The following PLD5 variants were observed in gnomAD, a reference collection of about 807,000 sequenced individuals.
The protein encoded by PLD5 is phospholipase D family member 5, also known as inactive phospholipase D5.
In PLD5, 36 loss-of-function variants were observed where a neutral mutation model predicts 61.1. That is an observed-to-expected ratio of 0.59 (90% CI 0.45 to 0.78). The LOEUF (loss-of-function observed/expected upper bound fraction) is 0.78. Ranked by LOEUF, PLD5 falls within the 30% of genes least tolerant of loss-of-function variation. The pLI is 0.00. For synonymous variants in PLD5, 243 were observed against 242.8 expected (o/e 1.00, Z -0.01); for missense variants, 515 against 644.4 (o/e 0.80, Z 2.17).
chr1:242,265,515 A>G, intron 3 of PLD5, 67 bp from the exon 4 acceptor site: 2 of 1,304,372 alleles, frequency 1.5e-6, no homozygotes, highest in East Asian at 2.4e-5. Context: ...AGACAGGTAA[A>G]AATAAACTCA....
At position 242,207,932 on chromosome 1, in the gene PLD5, T is replaced by A. The variant is rs796089935; in HGVS notation, c.735+12056A>T. On this transcript the variant is annotated intron_variant, in intron 5 of 9. Transcript: ENST00000536534. ...TATATATTTATATATTTATATATAT[T>A]TATATATTTATATATATTTATTTAT... is the stretch of plus-strand genomic sequence containing the variant. Among the ~76,000 whole-genome samples, 244 of 30,800 alleles carry A rather than the reference T, an allele frequency of 7.9e-3. 70 individuals are homozygous for A. The highest frequency in any genetic ancestry group is 0.039 in the African/African-American group (217 of 5,524). The allele number at this position is 30,800 out of a possible 152,430, so 20.2% of individuals were successfully genotyped here. A position where few individuals can be genotyped will look rare whatever the true frequency, so the allele number is the denominator to read the frequency against.
At chr1:242,346,054 C>T (rs1287833616) in intron 2 of PLD5, among the ~76,000 whole-genome samples, 2 of 78,542 alleles carry the variant, frequency 2.5e-5, no homozygotes, top group African/African-American at 5.0e-5. Context: ...ATATTTATAT[C>T]ACATATATAT....
intron 1 of PLD5, among the ~76,000 whole-genome samples, chr1:242,484,059 C>A (rs568729789): frequency 3.3e-5 from 5 of 152,190 alleles, no homozygotes; most frequent in African/African-American, 7.2e-5. Flanking sequence ...CATTCAAAGC[C>A]ATGTGTAGAG....
intron 2 of PLD5, among the ~76,000 whole-genome samples, chr1:242,301,821 A>G (rs1219380604): frequency 6.8e-6 from 1 of 147,614 alleles, no homozygotes; most frequent in Admixed American, 6.8e-5. Context: ...CTTGCCACCC[A>G]GGCTGGAGTG....
intron 1 of PLD5, among the ~76,000 whole-genome samples, chr1:242,417,315 G>C (rs1180386659): frequency 6.6e-6 from 1 of 152,182 alleles, no homozygotes; most frequent in East Asian, 1.9e-4. Context: ...CAGGGATAGG[G>C]TGGAAGCATC....
intron 7 of PLD5, among the ~76,000 whole-genome samples, chr1:242,113,084 CTTTTTTTTT>C (rs71570931): frequency 2.7e-4 from 30 of 110,658 alleles, no homozygotes; most frequent in Non-Finnish European, 3.4e-4. Context: ...CTCTCTCTCT[CTTTTTTTTT>C]TTTTTTTTTT....
At chr1:242,174,120 A>C (rs1038064451) in intron 5 of PLD5, among the ~76,000 whole-genome samples, 42 of 152,314 alleles carry the variant, frequency 2.8e-4, no homozygotes, top group East Asian at 7.7e-4. Context: ...CAACCTACAG[A>C]ATGGGAGAAA....
In PLD5 at chr1:242,163,147, C is replaced by CTTTTTTT. The variant is rs147011306; in HGVS notation, c.736-38483_736-38482insAAAAAAA. Among the ~76,000 whole-genome samples, 170 of 142,012 alleles carry CTTTTTTT rather than the reference C, an allele frequency of 1.2e-3. 9 individuals carry two copies. The highest frequency in any genetic ancestry group is 9.1e-3 in the East Asian group (44 of 4,834). The allele number at this position is 142,012 out of a possible 152,430, so 93.2% of individuals were successfully genotyped here. On this transcript the variant is annotated intron_variant, in intron 5 of 9. Transcript: ENST00000536534. ...CAAGTCTTTTATTTTCTTTTCTTTT[C>CTTTTTTT]TTTCTTTTCTTGAGACGACGGAGTC...
intron 1 of PLD5, among the ~76,000 whole-genome samples, chr1:242,490,827 T>A (rs1013648611): frequency 6.6e-6 from 1 of 151,828 alleles, no homozygotes; most frequent in African/African-American, 2.4e-5. Context: ...TTGGCAACAG[T>A]AGACCCTGGG....
At chr1:242,296,044 T>C (rs1042450075) in intron 2 of PLD5, among the ~76,000 whole-genome samples, 2 of 152,218 alleles carry the variant, frequency 1.3e-5, no homozygotes, top group Non-Finnish European at 2.9e-5. Flanking sequence ...ACTAACCTCT[T>C]TCAATCTGTT....
chr1:242,301,765 C>CATTATTATTAAT (rs1676051657), intron 2 of PLD5, among the ~76,000 whole-genome samples: 1 of 141,034 alleles, frequency 7.1e-6, no homozygotes, highest in Non-Finnish European at 1.5e-5. Context: ...TTTTTTAAAA[C>CATTATTATTAAT]ATTATTATTA....
chr1:242,373,014 G>A (rs1031989142), intron 1 of PLD5, among the ~76,000 whole-genome samples: 76 of 152,252 alleles, frequency 5.0e-4, no homozygotes, highest in African/African-American at 1.7e-3. Context: ...GCAAACTACA[G>A]AATGGGAGAA....
intron 1 of PLD5, among the ~76,000 whole-genome samples, chr1:242,348,811 T>C (rs1242526230): frequency 6.6e-6 from 1 of 152,100 alleles, no homozygotes; most frequent in Non-Finnish European, 1.5e-5. Flanking sequence ...TCCTAGCACT[T>C]TGGGAGGCCA....
At chr1:242,451,117 A>G (rs1215364666) in intron 1 of PLD5, among the ~76,000 whole-genome samples, 2 of 152,194 alleles carry the variant, frequency 1.3e-5, no homozygotes, top group African/African-American at 2.4e-5. Flanking sequence ...CATCTACTGC[A>G]GTGTGACCAG....
At chr1:242,128,719 C>T (rs1662999694) in intron 5 of PLD5, among the ~76,000 whole-genome samples, 1 of 152,088 alleles carries the variant, frequency 6.6e-6, no homozygotes, top group Non-Finnish European at 1.5e-5. Flanking sequence ...GCCCAGGGAG[C>T]ACAGAAACTA....
intron 1 of PLD5, among the ~76,000 whole-genome samples, chr1:242,520,713 A>G (rs1042236785): frequency 2.6e-5 from 4 of 152,214 alleles, no homozygotes; most frequent in Non-Finnish European, 4.4e-5. Context: ...TCAAAAAAGC[A>G]TACAGCACCA....
chr1:242,495,331 C>T (rs1462597646), intron 1 of PLD5, among the ~76,000 whole-genome samples: 2 of 152,086 alleles, frequency 1.3e-5, no homozygotes, highest in South Asian at 2.1e-4. Flanking sequence ...ACCACTTCTT[C>T]CAGCAGGAGG....
chr1:242,411,791 G>C (rs573788393), intron 1 of PLD5, among the ~76,000 whole-genome samples: 1 of 152,150 alleles, frequency 6.6e-6, no homozygotes, highest in Non-Finnish European at 1.5e-5. Context: ...CAACCAAAAT[G>C]AATGACTGAG....
intron 1 of PLD5, among the ~76,000 whole-genome samples, chr1:242,459,597 C>T (rs988250131): frequency 7.2e-5 from 11 of 152,162 alleles, no homozygotes; most frequent in African/African-American, 2.4e-4. Flanking sequence ...GAAACTATTG[C>T]TATGGAATAA....
Sources: gnomAD v4.1 joint callset for allele counts (sites outside exome capture counted in the v4.1 genomes callset) on GRCh38, gnomAD v4.1.1 for gene constraint, MANE v1.5 for transcripts, NCBI Gene and HGNC (gene_info 2026-07-23, HGNC 2026-07-21) for gene names.